The following DNHD1 variants were observed in gnomAD, a reference collection of about 807,000 sequenced individuals.
DNHD1 encodes dynein heavy chain domain 1.
Under a neutral mutation model 458.1 loss-of-function variants are expected in DNHD1, and 383 were observed. The observed-to-expected ratio is 0.84, with a 90% CI of 0.77 to 0.91. DNHD1 has a LOEUF of 0.91. DNHD1 is among the 40% of genes least tolerant of loss of function. The pLI is 0.00. For synonymous variants in DNHD1, 2,203 were observed against 2,376.9 expected (o/e 0.93, Z 2.13); for missense variants, 5,336 against 5,866.1 (o/e 0.91, Z 2.95).
rs181532130 is a variant in DNHD1, at chr11:6,521,432, T to G, written c.1837+1143T>G. The stretch of plus-strand genomic sequence containing the variant: ...CTAAATTCTAGTGAAGCTGAAAATA[T>G]TCACCTACCATGTCTTAGGTTGTCC... On this transcript the variant is annotated intron_variant, in intron 10 of 42. Coordinates refer to ENST00000254579, the MANE Select transcript of DNHD1 (RefSeq NM_144666.3). Among the ~76,000 whole-genome samples, 181 of 152,330 alleles carry G rather than the reference T, an allele frequency of 1.2e-3. 1 individual carries two copies. Among genetic ancestry groups the G allele is most frequent in the Non-Finnish European group, 1.9e-3 (126 of 68,020 alleles).
chr11:6,529,572 T>G (rs955831926), intron 12 of DNHD1, among the ~76,000 whole-genome samples: 1 of 152,272 alleles, frequency 6.6e-6, no homozygotes, highest in Non-Finnish European at 1.5e-5. Flanking sequence ...TCCTTTCATT[T>G]AAAGCAGTCA....
At chr11:6,569,892 G>A in intron 39 of DNHD1, 117 bp from the exon 40 acceptor site, 1 of 753,758 alleles carries the variant, frequency 1.3e-6, no homozygotes, top group Non-Finnish European at 2.2e-6. Flanking sequence ...TGTATTTGAG[G>A]TGCCAAGTGG....
In DNHD1 at chr11:6,571,664, C is replaced by A; in HGVS notation, c.13940C>A (p.Pro4647Gln). 6.2e-7 allele frequency: 1 copy of A among 1,604,564 alleles called. No homozygotes were observed. Among genetic ancestry groups the A allele is most frequent in the Non-Finnish European group, 8.5e-7 (1 of 1,175,200 alleles). Residue 4647 changes from proline to glutamine, a missense_variant, in exon 43 of 43, where the codon CCA becomes CAA. By Grantham distance (76) the Pro-to-Gln change is moderately conservative. Around this residue, in one of 4 missense-constraint regions of DNHD1, gnomAD observed 698 missense variants for 664.9 expected, o/e 1.05. Coordinates refer to ENST00000254579, the MANE Select transcript of DNHD1 (RefSeq NM_144666.3). This position sits in a 1 kb window ranked among gnomAD's most constrained non-coding sequence, Gnocchi z 5.0. ...RVENGPNPTV[P>Q]ERGLLLIGLQ... Reference sequence around the variant, plus strand: ...GAGAATGGTCCAAATCCCACGGTTCCAGAGAGAGGGCTGCTGCTGATCGGG... The same window carrying A: ...GAGAATGGTCCAAATCCCACGGTTCAAGAGAGAGGGCTGCTGCTGATCGGG...
Position 6,545,635 on chromosome 11 carries a change from C to A in DNHD1, c.4696C>A (p.Arg1566Ser). ...SQGGQSLPSV[R>S]QTSLLSALLV... ...AGGTGGGCAGTCCCTGCCTTCTGTCCGCCAGACCAGCCTTCTCAGTGCCCT... is the reference window on the plus strand; with the variant it reads ...AGGTGGGCAGTCCCTGCCTTCTGTCAGCCAGACCAGCCTTCTCAGTGCCCT... Residue 1566 changes from arginine (R) to serine (S), a missense_variant, in exon 21 of 43, where the codon CGC (arginine) becomes AGC (serine). Coordinates refer to ENST00000254579, the MANE Select transcript of DNHD1 (RefSeq NM_144666.3). This position sits in a 1 kb window ranked among gnomAD's most constrained non-coding sequence, Gnocchi z 4.9. 1 of 1,551,808 alleles carries A rather than the reference C, an allele frequency of 6.4e-7. No individual in the cohort carries two copies. Among genetic ancestry groups the A allele is most frequent in the Non-Finnish European group, 8.7e-7 (1 of 1,147,022 alleles).
At position 6,545,743 on chromosome 11, in the gene DNHD1, G is replaced by A; in HGVS notation, c.4804G>A (p.Val1602Ile). ...QVSDLTDFHW[V>I]RQLKYHLGSP... is the part of the protein sequence containing the mutation. ...CAGTGATCTCACAGACTTTCACTGG[G>A]TCCGCCAACTCAAGTATCACTTGGG... The change falls in exon 21 of 43, where the codon GTC becomes ATC. Residue 1602 changes from valine (V) to isoleucine (I), a missense_variant. By Grantham distance (29) the Val-to-Ile change is conservative. This residue lies in a region of DNHD1 where 3,932 missense variants were observed against 4,365.6 expected (regional missense o/e 0.90). Transcript: ENST00000254579. The surrounding 1 kb of genome is among the most constrained non-coding windows in gnomAD (Gnocchi z 4.9). 1 of 1,551,678 alleles carries A rather than the reference G, an allele frequency of 6.4e-7. No individual in the cohort carries two copies. The highest frequency in any genetic ancestry group is 8.7e-7 in the Non-Finnish European group (1 of 1,147,008).
intron 3 of DNHD1, among the ~76,000 whole-genome samples, chr11:6,501,674 G>A (rs999999382): frequency 2.0e-5 from 3 of 152,038 alleles, no homozygotes; most frequent in African/African-American, 7.3e-5. Context: ...AGTTTGAGAG[G>A]CCTGAAAGAG....
Position 6,547,915 on chromosome 11 carries a change from C to A in DNHD1, c.6780C>A (p.Ser2260Arg), listed in dbSNP as rs1455581818. ...CCCAAAGCTTCAGGTCTTCAAAAAGCAGCTTTCTAAACCGGTCCCAGGTTG... is the reference window on the plus strand; with the variant it reads ...CCCAAAGCTTCAGGTCTTCAAAAAGAAGCTTTCTAAACCGGTCCCAGGTTG... ...PVAQSFRSSK[S>R]SFLNRSQVDS... is the part of the protein sequence containing the mutation. Residue 2260 changes from serine to arginine, a missense_variant, in exon 22 of 43, where the codon AGC (serine) becomes AGA (arginine). Ser to Arg is a moderately radical substitution (Grantham distance 110). Coordinates refer to ENST00000254579, the MANE Select transcript of DNHD1 (RefSeq NM_144666.3). 3.7e-5 allele frequency: 58 copies of A among 1,551,766 alleles called. No individual in the cohort carries two copies. Among genetic ancestry groups the A allele is most frequent in the Non-Finnish European group, 4.9e-5 (56 of 1,147,050 alleles).
rs1220943420 is a variant in DNHD1, at chr11:6,534,033, C to G, written c.2858C>G (p.Ala953Gly). Residue 953 changes from alanine to glycine, a missense_variant, in exon 14 of 43, where the codon GCG becomes GGG. Physicochemically the swap from Ala to Gly is moderately conservative, Grantham distance 60. This residue lies in a region of DNHD1 where 3,932 missense variants were observed against 4,365.6 expected (regional missense o/e 0.90). Transcript: ENST00000254579. ...TTGGCAGAGCTGGAAGGCCTGCTTGCGAAGGCCCTCTCCGGTCCCTTTATG... is the reference window on the plus strand; with the variant it reads ...TTGGCAGAGCTGGAAGGCCTGCTTGGGAAGGCCCTCTCCGGTCCCTTTATG... ...AALAELEGLLAKALSGPFMDP... is the reference protein window; with the variant it reads ...AALAELEGLLGKALSGPFMDP... 5 of 1,551,408 alleles carry G rather than the reference C, an allele frequency of 3.2e-6. No individual in the cohort carries two copies. The highest frequency in any genetic ancestry group is 4.4e-6 in the Non-Finnish European group (5 of 1,146,944).
Position 6,556,963 on chromosome 11 carries a change from G to C in DNHD1, c.7668G>C (p.Glu2556Asp), listed in dbSNP as rs1853475698. The stretch of plus-strand genomic sequence containing the variant: ...AGCGTTTCCCTTCTGTGGAACGGGA[G>C]CGTGCTCTGGCACGAGGTCTGGTTA... Reference protein sequence around the residue: ...WLERFPSVERERALARGLVRA... With the variant: ...WLERFPSVERDRALARGLVRA... Residue 2556 changes from glutamate to aspartate, a missense_variant, in exon 25 of 43, where the codon GAG becomes GAC. Around this residue, in one of 4 missense-constraint regions of DNHD1, gnomAD observed 3,932 missense variants for 4,365.6 expected, o/e 0.90. Transcript: ENST00000254579. 13 of 1,551,750 alleles carry C rather than the reference G, an allele frequency of 8.4e-6. No homozygotes were observed. Among genetic ancestry groups the C allele is most frequent in the Non-Finnish European group, 1.1e-5 (13 of 1,147,008 alleles).
At chr11:6,536,599 C>CTTATA (rs1321756149) in intron 14 of DNHD1, among the ~76,000 whole-genome samples, 2 of 152,060 alleles carry the variant, frequency 1.3e-5, no homozygotes, top group African/African-American at 4.8e-5. Context: ...TATATCTATA[C>CTTATA]CTATGGAAGA....
At chr11:6,567,911 G>A (rs1158396632) in intron 36 of DNHD1, 51 bp downstream of exon 36, 1 of 1,512,210 alleles carries the variant, frequency 6.6e-7, no homozygotes, top group Non-Finnish European at 8.8e-7. Flanking sequence ...TGTGGGCTGG[G>A]GCATGGGGGA....
chr11:6,566,183 G>A, intron 33 of DNHD1, 58 bp from the exon 34 acceptor site: 4 of 1,537,162 alleles, frequency 2.6e-6, no homozygotes, highest in Non-Finnish European at 3.5e-6. Flanking sequence ...CGTGCCTGGG[G>A]AATGGGGATC....
At position 6,534,125 on chromosome 11, in the gene DNHD1, ACAGT is replaced by A. The variant is rs1852889692; in HGVS notation, c.2954_2957del (p.Val985AlafsTer71). ...CTCCCTAGAGCGTCAGTTCCAGAAC[ACAGT>A]CAGCGACCTCAGTGAACTGCACCAC... On this transcript the variant is annotated frameshift_variant, in exon 14 of 43. Coordinates refer to ENST00000254579, the MANE Select transcript of DNHD1 (RefSeq NM_144666.3). The A allele has an allele frequency of 1.9e-6, 3 of 1,551,432 alleles. No homozygotes were observed. Among genetic ancestry groups the A allele is most frequent in the South Asian group, 1.2e-5 (1 of 84,046 alleles).
intron 7 of DNHD1, among the ~76,000 whole-genome samples, chr11:6,512,486 T>G (rs1852365922): frequency 1.3e-5 from 2 of 152,008 alleles, no homozygotes; most frequent in South Asian, 4.2e-4. Flanking sequence ...CCTCCCAAAG[T>G]GCTGGGATTA....
In DNHD1 at chr11:6,520,068, G is replaced by A; in HGVS notation, c.1751G>A (p.Gly584Glu). ...CVENMIQTLT[G>E]GLQSVKTSAL... ...GAAAATATGATCCAGACTCTAACTG[G>A]AGGCCTACAGTCTGTCAAGACCTCT... The change falls in exon 9 of 43, where the codon GGA becomes GAA. Residue 584 changes from glycine (G) to glutamate (E), a missense_variant. Physicochemically the swap from Gly to Glu is moderately conservative, Grantham distance 98 (BLOSUM62 -2). This residue lies in a region of DNHD1 where 3,932 missense variants were observed against 4,365.6 expected (regional missense o/e 0.90). Coordinates refer to ENST00000254579, the MANE Select transcript of DNHD1 (RefSeq NM_144666.3). 6 of 1,614,182 alleles carry A rather than the reference G, an allele frequency of 3.7e-6. No homozygotes were observed. The highest frequency in any genetic ancestry group is 5.1e-6 in the Non-Finnish European group (6 of 1,180,040).
intron 3 of DNHD1, 103 bp from the exon 4 acceptor site, chr11:6,502,650 C>T: frequency 9.0e-7 from 1 of 1,106,616 alleles, no homozygotes; most frequent in South Asian, 1.9e-5. Context: ...TCCTCAGGCA[C>T]CTGATCTAGT....
intron 6 of DNHD1, among the ~76,000 whole-genome samples, 155 bp downstream of exon 6, chr11:6,509,427 T>G (rs967310136): frequency 1.3e-5 from 2 of 152,224 alleles, no homozygotes; most frequent in African/African-American, 4.8e-5. Context: ...GTTGCATATC[T>G]TTCTAGTCTT....
At chr11:6,504,577 G>A (rs1852194002) in intron 4 of DNHD1, among the ~76,000 whole-genome samples, 1 of 152,208 alleles carries the variant, frequency 6.6e-6, no homozygotes, top group East Asian at 1.9e-4. Context: ...AGCCTCTGAA[G>A]TAGCTGGGAT....
intron 12 of DNHD1, among the ~76,000 whole-genome samples, chr11:6,530,747 G>T (rs1589877307): frequency 6.6e-6 from 1 of 152,140 alleles, no homozygotes; most frequent in Admixed American, 6.5e-5. Context: ...TCTTGTACAG[G>T]GGGTTCAGGC....
Sources: allele counts gnomAD v4.1 joint callset (sites outside exome capture counted in the v4.1 genomes callset), GRCh38; gene constraint gnomAD v4.1.1; regional missense constraint gnomAD v4.1.1; non-coding constraint Gnocchi (gnomAD v3.1); transcripts MANE v1.5; gene names NCBI Gene and HGNC (gene_info 2026-07-23, HGNC 2026-07-21).